Variants in ANO7 observed in about 807,000 individuals in gnomAD.
ANO7 encodes anoctamin 7.
Under a neutral mutation model 115.8 loss-of-function variants are expected in ANO7, and 114 were observed. The observed-to-expected ratio is 0.98, with a 90% CI of 0.85 to 1.15. The LOEUF (loss-of-function observed/expected upper bound fraction) is 1.15. Among genes scored for constraint, ANO7 ranks in the 50% most tolerant of loss-of-function variants. ANO7 has a pLI of 0.00. For missense variants in ANO7, 1,302 were observed against 1,201.2 expected, an observed-to-expected ratio of 1.08 and a Z score of -1.24; for synonymous variants, 550 against 498.2, an observed-to-expected ratio of 1.10 and a Z score of -1.38.
rs531575814 is a variant in ANO7 at position 241,211,581 on chromosome 2, G to T, written c.1562-513G>T. Among the ~76,000 whole-genome samples the T allele has an allele frequency of 7.9e-5, 12 of 152,322 alleles. No individual in the cohort carries two copies. In the South Asian group the frequency reaches 2.5e-3, roughly 32 times the overall value. On this transcript the variant is annotated intron_variant, in intron 15 of 24. Coordinates refer to ENST00000674324, the MANE Select transcript of ANO7 (RefSeq NM_001370694.2). ...TCCTGGTGGGTGGCCAGGGGAAGGT[G>T]GGTGTCAGGGAAAGACCTTTGCAGG...
chr2:241,216,127 C>T lies in ANO7; in HGVS notation c.1861C>T (p.Arg621Cys), dbSNP rs756026239. 1.4e-5 allele frequency: 22 copies of T among 1,612,330 alleles called. No homozygotes were observed. The highest frequency in any genetic ancestry group is 1.6e-4 in the Middle Eastern group (1 of 6,066). Residue 621 changes from arginine (R) to cysteine (C), a missense_variant, in exon 19 of 25, where the codon CGC becomes TGC. Transcript: ENST00000674324. ...LKGWWQKFRL[R>C]SKKRKAGASA... is the part of the protein sequence containing the mutation. ...GGGCTGGTGGCAGAAGTTCCGGCTT[C>T]GCTCCAAGAAGAGGAAGGCGGGAGC...
rs1367784485 is a variant in ANO7, at chr2:241,217,680, C to T, written c.1973-6C>T. ...GGAGAGCCCGGCCGTGACCCCCTCC[C>T]CGCAGTGCTGCAGTTCGGCTTCGTC... On this transcript the variant is annotated splice_polypyrimidine_tract_variant and splice_region_variant and intron_variant, in intron 19 of 24. Transcript: ENST00000674324. The T allele has an allele frequency of 6.3e-7, 1 of 1,574,942 alleles. No homozygotes were observed. The highest frequency in any genetic ancestry group is 2.3e-5 in the East Asian group (1 of 43,280).
chr2:241,203,494 G>T lies in ANO7; in HGVS notation c.885G>T (p.Trp295Cys). The change falls in exon 9 of 25, where the codon TGG becomes TGT. Residue 295 changes from tryptophan (W) to cysteine (C), a missense_variant. Transcript: ENST00000674324. This position sits in a 1 kb window ranked among gnomAD's most constrained non-coding sequence, Gnocchi z 4.8. Reference sequence around the variant, plus strand: ...AGAAGGTGGCCCTCTACTTCGCCTGGCTCGGTGAGTCCCCCCCGCTGCCCC... The same window carrying T: ...AGAAGGTGGCCCTCTACTTCGCCTGTCTCGGTGAGTCCCCCCCGCTGCCCC... ...FGEKVALYFAWLGFYTGWLLP... is the reference protein window; with the variant it reads ...FGEKVALYFACLGFYTGWLLP... The T allele has an allele frequency of 6.6e-7, 1 of 1,506,366 alleles. No homozygotes were observed. Among genetic ancestry groups the T allele is most frequent in the Non-Finnish European group, 8.9e-7 (1 of 1,126,622 alleles). 93.3% of individuals were successfully genotyped at this position (1,506,366 alleles called of 1,614,324 possible).
chr2:241,230,967 GA>G, downstream of ANO7: 1 of 1,604,038 alleles, frequency 6.2e-7, no homozygotes, highest in Non-Finnish European at 8.5e-7. The surrounding 1 kb of genome is among the most constrained non-coding windows in gnomAD (Gnocchi z 5.0). Flanking sequence ...AATGTAGTCA[GA>G]AAAGGGGATG....
chr2:241,200,373 G>T, intron 6 of ANO7, 148 bp downstream of exon 6: 1 of 1,150,014 alleles, frequency 8.7e-7, no homozygotes, highest in South Asian at 1.6e-5. Context: ...CGCTTATCGC[G>T]TGTCTGCATT....
Position 241,191,250 on chromosome 2 carries a change from C to T in ANO7, c.165C>T (p.Ile55=), listed in dbSNP as rs772388595. Residue 55 remains isoleucine, a splice_region_variant and synonymous_variant, in exon 3 of 25, where the codon ATC becomes ATT. Transcript: ENST00000674324. The part of the protein sequence containing the change: ...CRAGSPAKPR[I]ADFVLVWEED... The stretch of plus-strand genomic sequence containing the variant: ...CTGGGAGTCCTGCCAAGCCCCGGAT[C>T]GGTGAGCCCCTCCCAGCACCTGTAC... 3.7e-6 allele frequency: 6 copies of T among 1,613,786 alleles called. No homozygotes were observed. The highest frequency in any genetic ancestry group is 4.5e-5 in the East Asian group (2 of 44,882).
At chr2:241,197,299 C>T (rs369371348) in intron 4 of ANO7, among the ~76,000 whole-genome samples, 1 of 152,100 alleles carries the variant, frequency 6.6e-6, no homozygotes, top group Admixed American at 6.5e-5. Context: ...GGGGTTTCAC[C>T]GTATTGCCCA....
At chr2:241,232,686 C>T in the ANO7 span, among the ~76,000 whole-genome samples, 1 of 152,200 alleles carries the variant, frequency 6.6e-6, no homozygotes, top group South Asian at 2.1e-4. Context: ...CGGTGGCTCA[C>T]AGCTGTAGTC....
intron 5 of ANO7, 45 bp downstream of exon 5, chr2:241,199,468 C>A: frequency 6.3e-7 from 1 of 1,585,528 alleles, no homozygotes; most frequent in Non-Finnish European, 8.7e-7. Context: ...AGGTCCCGGT[C>A]CCCACACACT....
At chr2:241,239,659 G>C in the ANO7 span, 1 of 1,614,174 alleles carries the variant, frequency 6.2e-7, no homozygotes, top group Non-Finnish European at 8.5e-7. The surrounding 1 kb of genome is among the most constrained non-coding windows in gnomAD (Gnocchi z 4.6). Context: ...AGTCCTTGGC[G>C]CCCTTGAGGG....
chr2:241,237,655 G>T, the ANO7 span, among the ~76,000 whole-genome samples: 1 of 152,130 alleles, frequency 6.6e-6, no homozygotes, highest in Non-Finnish European at 1.5e-5. Flanking sequence ...TTATGTAAGA[G>T]AATGTCCTTG....
At chr2:241,199,270 G>T (rs776265920) in intron 4 of ANO7, 46 bp from the exon 5 acceptor site, 2 of 1,530,632 alleles carry the variant, frequency 1.3e-6, no homozygotes, top group Admixed American at 3.3e-5. Flanking sequence ...GTGCATACGT[G>T]CACACATGCA....
intron 4 of ANO7, among the ~76,000 whole-genome samples, chr2:241,197,965 C>T (rs1174552970): frequency 6.6e-6 from 1 of 152,178 alleles, no homozygotes; most frequent in African/African-American, 2.4e-5. Context: ...CTCCCTCTTC[C>T]TTATTAAGGC....
intron 10 of ANO7, 34 bp downstream of exon 10, chr2:241,204,989 G>A (rs776720844): frequency 8.2e-6 from 13 of 1,595,024 alleles, no homozygotes; most frequent in Non-Finnish European, 1.1e-5. Context: ...CTGGGGCCTG[G>A]TGCTGGGCCT....
downstream of ANO7, among the ~76,000 whole-genome samples, chr2:241,226,331 G>A (rs575853258): frequency 1.4e-4 from 21 of 152,242 alleles, no homozygotes; most frequent in Non-Finnish European, 2.6e-4. Context: ...GGGCTGCTTC[G>A]TGTTTGGCTT....
At chr2:241,210,945 C>T (rs1265044458) in intron 15 of ANO7, among the ~76,000 whole-genome samples, 4 of 152,238 alleles carry the variant, frequency 2.6e-5, no homozygotes, top group South Asian at 2.1e-4. Context: ...GCTGGGATTA[C>T]AGGCATGAGC....
chr2:241,196,013 G>T (rs2068319867), intron 4 of ANO7, 168 bp downstream of exon 4: 5 of 1,491,690 alleles, frequency 3.4e-6, no homozygotes, highest in Admixed American at 2.2e-5. Context: ...TGTGGCTAGG[G>T]AGCTGCTGTC....
chr2:241,189,342 G>T (rs986249010), intron 1 of ANO7, among the ~76,000 whole-genome samples: 1 of 152,180 alleles, frequency 6.6e-6, no homozygotes, highest in Non-Finnish European at 1.5e-5. Flanking sequence ...CTCCTGCGGC[G>T]CCTCCATGGT....
chr2:241,196,740 T>G (rs2068341438), intron 4 of ANO7, among the ~76,000 whole-genome samples: 1 of 152,200 alleles, frequency 6.6e-6, no homozygotes, highest in Non-Finnish European at 1.5e-5. Context: ...GCAGCTCACA[T>G]GTGAATGCCG....
Sources: gnomAD v4.1 joint callset for allele counts (sites outside exome capture counted in the v4.1 genomes callset) on GRCh38, gnomAD v4.1.1 for gene constraint, Gnocchi (gnomAD v3.1) non-coding constraint, MANE v1.5 for transcripts, NCBI Gene and HGNC (gene_info 2026-07-23, HGNC 2026-07-21) for gene names.